DIABLO: variants seen among roughly 807,000 people sequenced by gnomAD.
DIABLO encodes the protein diablo IAP-binding mitochondrial protein.
Under a neutral mutation model 31.7 loss-of-function variants are expected in DIABLO, and 32 were observed. The ratio of observed to expected loss-of-function variants is 1.01; its 90% confidence interval spans 0.76 to 1.35. The LOEUF (loss-of-function observed/expected upper bound fraction) is 1.35. DIABLO is among the 40% of genes most tolerant of loss of function. The pLI, the probability that DIABLO is intolerant of heterozygous loss-of-function variation, is 0.00. For synonymous variants in DIABLO, 132 were observed against 103.2 expected (o/e 1.28, Z -1.69); for missense variants, 316 against 286.4 (o/e 1.10, Z -0.75).
upstream of DIABLO, chr12:122,226,621 G>C (rs944842950): frequency 2.2e-5 from 15 of 677,390 alleles, no homozygotes; most frequent in African/African-American, 1.6e-4. Context: ...CGCCGTCCCA[G>C]AGGGGCGGAC....
intron 2 of DIABLO, chr12:122,218,739 A>C (rs1954270222): frequency 2.9e-6 from 1 of 341,548 alleles, no homozygotes; most frequent in African/African-American, 2.2e-5. Context: ...CAGGAGATTG[A>C]GACGATCCTG....
In DIABLO at chr12:122,219,075, A is replaced by C. The variant is rs369090573; in HGVS notation, c.184-678T>G. On this transcript the variant is annotated intron_variant, in intron 2 of 5. Transcript: ENST00000464942. ...TGGTGAAACCCCGTCTCTACTAAAA[A>C]TACAAAAATTAGCTGGGCGTGGTGG... is the stretch of plus-strand genomic sequence containing the variant. Among the ~76,000 whole-genome samples, 8 of 152,060 alleles carry C rather than the reference A, an allele frequency of 5.3e-5. 1 individual carries two copies. The South Asian group carries it at 1.5e-3, about 28-fold the overall frequency.
At chr12:122,211,930 T>C (rs1954097656) in intron 5 of DIABLO, among the ~76,000 whole-genome samples, 1 of 152,128 alleles carries the variant, frequency 6.6e-6, no homozygotes, top group Non-Finnish European at 1.5e-5. Flanking sequence ...TGGAACACAA[T>C]CTAAACGTGT....
At chr12:122,209,319 T>C in intron 5 of DIABLO, among the ~76,000 whole-genome samples, 1 of 150,512 alleles carries the variant, frequency 6.6e-6, no homozygotes, top group East Asian at 1.9e-4. Flanking sequence ...GCCAAGATCG[T>C]GCCACTGCAC....
At chr12:122,217,949 T>C (rs767447868) in intron 3 of DIABLO, among the ~76,000 whole-genome samples, 1 of 150,402 alleles carries the variant, frequency 6.6e-6, no homozygotes, top group Admixed American at 6.6e-5. Flanking sequence ...CTGTTTTATA[T>C]ACTAGGCTGC....
intron 1 of DIABLO, 39 bp from the exon 2 acceptor site, chr12:122,224,683 A>C (rs752771149): frequency 1.2e-6 from 2 of 1,614,106 alleles, no homozygotes; most frequent in East Asian, 2.2e-5. Context: ...CACGACCGCC[A>C]ATCTGTAACA....
chr12:122,208,063 G>A lies in DIABLO; in HGVS notation c.*318C>T, dbSNP rs2136078117. ...AAACAGTTGCTGAACTTAAGGGCAT[G>A]ACAAAAAGGACTCCTCTCTCTGACC... On this transcript the variant is annotated 3_prime_UTR_variant, in exon 6 of 6. Coordinates refer to ENST00000464942, the MANE Select transcript of DIABLO (RefSeq NM_001371333.1). The A allele has an allele frequency of 1.7e-6, 1 of 579,990 alleles. No homozygotes were observed. The highest frequency in any genetic ancestry group is 4.0e-5 in the East Asian group (1 of 25,006). 35.9% of individuals were successfully genotyped at this position (579,990 alleles called of 1,614,324 possible).
chr12:122,217,034 G>C, intron 3 of DIABLO, 165 bp from the exon 4 acceptor site: 2 of 621,580 alleles, frequency 3.2e-6, no homozygotes, highest in East Asian at 5.8e-5. Context: ...AAAGGTATCA[G>C]GACATTAGTA....
rs750056920 is a variant in DIABLO at position 122,208,566 on chromosome 12, C to A, written c.535G>T (p.Ala179Ser). Residue 179 changes from alanine to serine, a missense_variant, in exon 6 of 6, where the codon GCC (alanine) becomes TCC (serine). By Grantham distance (99) the Ala-to-Ser change is moderately conservative. Coordinates refer to ENST00000464942, the MANE Select transcript of DIABLO (RefSeq NM_001371333.1). Reference protein sequence around the residue: ...EAAYQTGADQASITARNHIQL... With the variant: ...EAAYQTGADQSSITARNHIQL... The stretch of plus-strand genomic sequence containing the variant: ...ATGTGATTCCTGGCGGTTATAGAGG[C>A]CTGATCTGCGCCTGCCAAAAGATGG... 1.9e-6 allele frequency: 3 copies of A among 1,612,950 alleles called. No homozygotes were observed. The highest frequency in any genetic ancestry group is 2.5e-6 in the Non-Finnish European group (3 of 1,180,018).
At chr12:122,218,618 C>T (rs1954267174) in intron 2 of DIABLO, 1 of 566,206 alleles carries the variant, frequency 1.8e-6, no homozygotes, top group Non-Finnish European at 3.1e-6. Flanking sequence ...TCATTCTCTG[C>T]TCCAAAAAGC....
At chr12:122,208,766 CTG>C in intron 5 of DIABLO, 189 bp from the exon 6 acceptor site, 1 of 698,722 alleles carries the variant, frequency 1.4e-6, no homozygotes, top group Non-Finnish European at 2.6e-6. Flanking sequence ...AACTGACACT[CTG>C]TCAAAAACAG....
In DIABLO at chr12:122,208,134, G is replaced by C. The variant is rs1458598036; in HGVS notation, c.*247C>G. 11 of 681,502 alleles carry C rather than the reference G, an allele frequency of 1.6e-5. No homozygotes were observed. Among genetic ancestry groups the C allele is most frequent in the Non-Finnish European group, 2.9e-5 (11 of 373,974 alleles). 42.2% of individuals were successfully genotyped at this position (681,502 alleles called of 1,614,324 possible). A position where few individuals can be genotyped will look rare whatever the true frequency, so the allele number is the denominator to read the frequency against. On this transcript the variant is annotated 3_prime_UTR_variant, in exon 6 of 6. Transcript: ENST00000464942. ...GGTGTGAGGTAAAAAAAATGGGTAA[G>C]AGCAGCTGTACAGAGTGGGGTGAAA... is the stretch of plus-strand genomic sequence containing the variant.
At position 122,207,730 on chromosome 12, in the gene DIABLO, T is replaced by C. The variant is rs1953956690; in HGVS notation, c.*651A>G. ...AAATCTTACACTCTTCTCCTTTGGA[T>C]ACAATAGAGAAACGGAAAGAAAGGA... is the stretch of plus-strand genomic sequence containing the variant. On this transcript the variant is annotated 3_prime_UTR_variant, in exon 6 of 6. Transcript: ENST00000464942. 3.9e-6 allele frequency: 2 copies of C among 512,400 alleles called. No individual in the cohort carries two copies. The highest frequency in any genetic ancestry group is 3.8e-5 in the African/African-American group (2 of 52,266). The allele number at this position is 512,400 out of a possible 1,614,324, so 31.7% of individuals were successfully genotyped here.
intron 5 of DIABLO, among the ~76,000 whole-genome samples, chr12:122,210,442 G>A (rs999220637): frequency 2.0e-5 from 3 of 148,554 alleles, no homozygotes; most frequent in African/African-American, 7.5e-5. Context: ...GCGCGATCTC[G>A]GCTCACTGTA....
rs755377544 is a variant in DIABLO, at chr12:122,225,983, C to G, written c.32G>C (p.Ser11Thr). 2 of 1,601,622 alleles carry G rather than the reference C, an allele frequency of 1.2e-6. No individual in the cohort carries two copies. The highest frequency in any genetic ancestry group is 3.4e-5 in the Admixed American group (2 of 58,650). The change falls in exon 1 of 6, where the codon AGC (serine) becomes ACC (threonine). Residue 11 changes from serine (S) to threonine (T), a missense_variant. Transcript: ENST00000464942. The part of the protein sequence containing the change: MAALKSWLSR[S>T]VTSFFRYRQC... ...GCGGTACCTGAAGAATGAAGTTACG[C>G]TGCGCGACAGCCAACTCTTCAGAGC...
chr12:122,213,289 A>G (rs959448986), intron 5 of DIABLO, among the ~76,000 whole-genome samples: 6 of 151,558 alleles, frequency 4.0e-5, no homozygotes, highest in Admixed American at 6.6e-5. Context: ...CAGCAGTTTG[A>G]GAGGCCAAGG....
chr12:122,219,941 GTTATT>G (rs1389364820), intron 2 of DIABLO, among the ~76,000 whole-genome samples: 9 of 141,372 alleles, frequency 6.4e-5, no homozygotes, highest in Non-Finnish European at 9.3e-5. Context: ...GGGGACCTCG[GTTATT>G]TTATTTTTTT....
At chr12:122,227,376 C>T (rs757447997), upstream of DIABLO, 12 of 453,796 alleles carry the variant, frequency 2.6e-5, no homozygotes, top group Non-Finnish European at 3.1e-5. Context: ...TTCCACGAAT[C>T]TTCCACCCTG....
intron 5 of DIABLO, among the ~76,000 whole-genome samples, chr12:122,214,471 G>A (rs1259800155): frequency 6.6e-6 from 1 of 152,158 alleles, no homozygotes; most frequent in African/African-American, 2.4e-5. Context: ...TTTTGCCTAG[G>A]ATGGAGTGCA....
Sources: gnomAD v4.1 joint callset for allele counts (sites outside exome capture counted in the v4.1 genomes callset) on GRCh38, gnomAD v4.1.1 for gene constraint, MANE v1.5 for transcripts, NCBI Gene and HGNC (gene_info 2026-07-23, HGNC 2026-07-21) for gene names.